Variants in FBXL17 observed in about 807,000 individuals in gnomAD.
FBXL17 encodes F-box/LRR-repeat protein 17.
In FBXL17, 22 loss-of-function variants were observed where a neutral mutation model predicts 66.2. The observed-to-expected ratio is 0.33, with a 90% CI of 0.24 to 0.47. The LOEUF is 0.47. Among genes scored for constraint, FBXL17 ranks in the 20% least tolerant of loss-of-function variants. The pLI is 1.00. For synonymous variants in FBXL17, 474 were observed against 400.5 expected, an observed-to-expected ratio of 1.18 and a Z score of -2.19; for missense variants, 878 against 948.2, an observed-to-expected ratio of 0.93 and a Z score of 0.97.
At chr5:108,228,646 C>T (rs2150082286) in intron 4 of FBXL17, among the ~76,000 whole-genome samples, 1 of 152,272 alleles carries the variant, frequency 6.6e-6, no homozygotes, top group South Asian at 2.1e-4. Flanking sequence ...CCAGGTTCCC[C>T]TTTCTTCTGT....
At chr5:107,963,894 C>T (rs1580256597) in intron 7 of FBXL17, among the ~76,000 whole-genome samples, 3 of 152,086 alleles carry the variant, frequency 2.0e-5, no homozygotes, top group Non-Finnish European at 4.4e-5. Flanking sequence ...AGATTCTTTT[C>T]TAATTAATGA....
At chr5:108,239,195 C>A (rs1755741648) in intron 4 of FBXL17, among the ~76,000 whole-genome samples, 1 of 152,088 alleles carries the variant, frequency 6.6e-6, no homozygotes, top group African/African-American at 2.4e-5. Context: ...TGCGGGAACA[C>A]CAAACTGAAC....
At chr5:108,015,950 C>A (rs1035724262) in intron 7 of FBXL17, among the ~76,000 whole-genome samples, 1 of 152,150 alleles carries the variant, frequency 6.6e-6, no homozygotes, top group Non-Finnish European at 1.5e-5. Flanking sequence ...GCTAGCCTGT[C>A]CTCTGGATCC....
intron 7 of FBXL17, among the ~76,000 whole-genome samples, chr5:107,993,577 A>G (rs948406787): frequency 1.3e-5 from 2 of 152,202 alleles, no homozygotes; most frequent in Non-Finnish European, 2.9e-5. Context: ...GCTTTTTCAC[A>G]TATCTAAAAG....
intron 5 of FBXL17, among the ~76,000 whole-genome samples, chr5:108,214,125 ATTAG>A (rs1179755412): frequency 3.3e-5 from 5 of 152,090 alleles, no homozygotes; most frequent in African/African-American, 7.2e-5. Context: ...CTATTTTATT[ATTAG>A]TTATTGTTAT....
At position 108,264,171 on chromosome 5, in the gene FBXL17, C is replaced by T. The variant is rs182292909; in HGVS notation, c.1507-39943G>A. Among the ~76,000 whole-genome samples the T allele has an allele frequency of 4.0e-4, 57 of 141,906 alleles. 1 individual carries two copies. The South Asian group carries it at 7.3e-3, about 18-fold the overall frequency. The allele number at this position is 141,906 out of a possible 152,430, so 93.1% of individuals were successfully genotyped here. ...TGGAGGTGGCAGTGAGCTTAGATCA[C>T]GCCACAGCACTCCAGCCTGGGCGAC... On this transcript the variant is annotated intron_variant, in intron 4 of 8. Coordinates refer to ENST00000542267, the MANE Select transcript of FBXL17 (RefSeq NM_001163315.3).
chr5:107,942,116 C>T (rs759952032), intron 7 of FBXL17, among the ~76,000 whole-genome samples: 19 of 152,114 alleles, frequency 1.2e-4, no homozygotes, highest in East Asian at 9.6e-4. Flanking sequence ...GGGCTGAGGG[C>T]GTACACAGCT....
chr5:108,170,103 T>C (rs1752551330), intron 6 of FBXL17, among the ~76,000 whole-genome samples: 1 of 152,164 alleles, frequency 6.6e-6, no homozygotes, highest in Non-Finnish European at 1.5e-5. Context: ...TGTGCATGTG[T>C]GCACAATACA....
intron 7 of FBXL17, among the ~76,000 whole-genome samples, chr5:107,895,182 T>C (rs868311789): frequency 5.3e-5 from 8 of 152,258 alleles, no homozygotes; most frequent in African/African-American, 1.9e-4. Flanking sequence ...GATTAATCTC[T>C]GGTGGCTAGA....
At chr5:108,012,475 T>G (rs1009841348) in intron 7 of FBXL17, among the ~76,000 whole-genome samples, 2 of 152,144 alleles carry the variant, frequency 1.3e-5, no homozygotes, top group African/African-American at 4.8e-5. Flanking sequence ...TATGACATTG[T>G]TTTTTCATAT....
chr5:108,078,179 G>T (rs995333943), intron 6 of FBXL17, among the ~76,000 whole-genome samples: 2 of 152,132 alleles, frequency 1.3e-5, no homozygotes, highest in Admixed American at 1.3e-4. Context: ...CCACCACATG[G>T]GCTGGGACAC....
intron 7 of FBXL17, among the ~76,000 whole-genome samples, chr5:107,945,666 A>C (rs1202933552): frequency 6.6e-6 from 1 of 152,200 alleles, no homozygotes; most frequent in Non-Finnish European, 1.5e-5. Flanking sequence ...CAAAATCTGC[A>C]AAGGAATGAT....
intron 7 of FBXL17, among the ~76,000 whole-genome samples, chr5:107,926,352 G>C (rs1169436302): frequency 2.0e-5 from 3 of 152,062 alleles, no homozygotes; most frequent in Non-Finnish European, 4.4e-5. Context: ...AGATTACAGA[G>C]AGATTAAGTA....
At chr5:108,045,843 A>G (rs1477624790) in intron 6 of FBXL17, among the ~76,000 whole-genome samples, 3 of 152,130 alleles carry the variant, frequency 2.0e-5, no homozygotes, top group African/African-American at 7.2e-5. Flanking sequence ...TATGATTTTA[A>G]TTCTTTTAAA....
intron 7 of FBXL17, among the ~76,000 whole-genome samples, chr5:107,968,777 C>T (rs1157750657): frequency 6.6e-6 from 1 of 152,116 alleles, no homozygotes; most frequent in African/African-American, 2.4e-5. Flanking sequence ...CCTTATGAAC[C>T]TTGCTTGGAG....
At chr5:107,878,228 T>G (rs1322868318) in intron 8 of FBXL17, 1 of 960,624 alleles carries the variant, frequency 1.0e-6, no homozygotes. Flanking sequence ...TTCTCTAGTC[T>G]GAATTTATTT....
intron 4 of FBXL17, among the ~76,000 whole-genome samples, chr5:108,340,852 A>G (rs1746831401): frequency 6.6e-6 from 1 of 152,214 alleles, no homozygotes; most frequent in Admixed American, 6.5e-5. Context: ...TAAAAAGATG[A>G]GCACATATTC....
intron 4 of FBXL17, among the ~76,000 whole-genome samples, chr5:108,245,838 C>A (rs1756070575): frequency 6.6e-6 from 1 of 152,216 alleles, no homozygotes; most frequent in African/African-American, 2.4e-5. Flanking sequence ...ATATACTCAT[C>A]TCTCCAACTG....
chr5:107,968,933 AC>A lies in FBXL17; in HGVS notation c.1822+51991del, dbSNP rs922172048. 3.3e-5 allele frequency among the ~76,000 whole-genome samples: 5 copies of A among 152,020 alleles called. No individual in the cohort carries two copies. In the East Asian group the frequency reaches 5.8e-4, roughly 18 times the overall value. ...TAAAACATCAAAAATGGCCATGATG[AC>A]CCCCCAAAAAAACCCAAGAAAGAAA... On this transcript the variant is annotated intron_variant, in intron 7 of 8. Coordinates refer to ENST00000542267, the MANE Select transcript of FBXL17 (RefSeq NM_001163315.3).
Sources: gnomAD v4.1 joint callset for allele counts (sites outside exome capture counted in the v4.1 genomes callset) on GRCh38, gnomAD v4.1.1 for gene constraint, MANE v1.5 for transcripts, NCBI Gene and HGNC (gene_info 2026-07-23, HGNC 2026-07-21) for gene names.